Variants in PCDHA3 observed in about 807,000 individuals in gnomAD.
PCDHA3 encodes the protein protocadherin alpha 3, also known as protocadherin alpha-3.
PCDHA3 carries 41 observed loss-of-function variants against 62.2 expected under a neutral mutation model. The ratio of observed to expected loss-of-function variants is 0.66; its 90% CI spans 0.51 to 0.86. PCDHA3 has a LOEUF of 0.86. PCDHA3 is among the 40% of genes least tolerant of loss of function. The probability of loss-of-function intolerance (pLI) is 0.00; values close to 1 mark genes in which losing one functional copy is unlikely to be tolerated. For missense variants in PCDHA3, 1,304 were observed against 1,241.2 expected, an observed-to-expected ratio of 1.05 and a Z score of -0.76; for synonymous variants, 640 against 555.4, an observed-to-expected ratio of 1.15 and a Z score of -2.14.
chr5:140,802,880 C>A lies in PCDHA3; in HGVS notation c.1683C>A (p.Asn561Lys). The change falls in exon 1 of 4, where the codon AAC (asparagine) becomes AAA (lysine). Residue 561 changes from asparagine (N) to lysine (K), a missense_variant. By Grantham distance (94) the Asn-to-Lys change is moderately conservative. Transcript: ENST00000522353. ...LQVFVLDEND[N>K]APALLMPRVG... ...TGTTCGTGCTGGACGAGAACGACAACGCGCCGGCACTGCTGATGCCTCGGG... is the reference window on the plus strand; with the variant it reads ...TGTTCGTGCTGGACGAGAACGACAAAGCGCCGGCACTGCTGATGCCTCGGG... 6.2e-7 allele frequency: 1 copy of A among 1,613,596 alleles called. No homozygotes were observed. Among genetic ancestry groups the A allele is most frequent in the South Asian group, 1.1e-5 (1 of 91,076 alleles).
At chr5:140,843,746 T>C (rs1554140400) in intron 1 of PCDHA3, 6 of 1,531,640 alleles carry the variant, frequency 3.9e-6, no homozygotes, top group Non-Finnish European at 5.4e-6. Context: ...AACTCATAAA[T>C]TCTATTTGTG....
intron 1 of PCDHA3, among the ~76,000 whole-genome samples, chr5:140,900,569 A>G (rs1166977648): frequency 2.6e-5 from 4 of 152,182 alleles, no homozygotes; most frequent in African/African-American, 9.7e-5. Context: ...GAGCCACGGC[A>G]CCGGCCCATT....
chr5:140,823,254 G>A (rs61730630), intron 1 of PCDHA3: 1 of 1,613,288 alleles, frequency 6.2e-7, no homozygotes, highest in Non-Finnish European at 8.5e-7. Flanking sequence ...CCTACTCGCT[G>A]GTGGAGCGGC....
intron 1 of PCDHA3, among the ~76,000 whole-genome samples, chr5:140,973,515 T>G (rs1008643152): frequency 1.4e-4 from 21 of 152,232 alleles, no homozygotes; most frequent in African/African-American, 4.8e-4. Flanking sequence ...AAAAGTTTAT[T>G]TTCTTTGGTC....
intron 1 of PCDHA3, among the ~76,000 whole-genome samples, chr5:140,890,615 C>A (rs1266338521): frequency 6.6e-6 from 1 of 152,026 alleles, no homozygotes; most frequent in Non-Finnish European, 1.5e-5. Context: ...AGTGCTTACC[C>A]TAGAAAATTA....
chr5:140,844,829 G>T (rs1252495421), intron 1 of PCDHA3, among the ~76,000 whole-genome samples: 2 of 148,848 alleles, frequency 1.3e-5, no homozygotes, highest in Non-Finnish European at 3.0e-5. Flanking sequence ...CTTTTTACAC[G>T]TTTGCTTCTT....
chr5:140,868,994 A>C, intron 1 of PCDHA3: 1 of 1,510,848 alleles, frequency 6.6e-7, no homozygotes, highest in Non-Finnish European at 8.8e-7. Context: ...GCCACCGTTT[A>C]AGGATCCTTT....
At chr5:140,978,520 C>T (rs2096807249) in intron 1 of PCDHA3, among the ~76,000 whole-genome samples, 1 of 152,214 alleles carries the variant, frequency 6.6e-6, no homozygotes, top group Non-Finnish European at 1.5e-5. Flanking sequence ...GCAGTCCAGC[C>T]AGGCCAGCAG....
intron 1 of PCDHA3, among the ~76,000 whole-genome samples, chr5:140,878,533 CA>C (rs2057632489): frequency 6.6e-6 from 1 of 152,156 alleles, no homozygotes; most frequent in Admixed American, 6.5e-5. Context: ...AACTGTGGCT[CA>C]AACCAGTTTC....
At chr5:140,824,646 A>G (rs1554130025) in intron 1 of PCDHA3, 2 of 90,532 alleles carry the variant, frequency 2.2e-5, no homozygotes, top group Non-Finnish European at 3.9e-5. Context: ...TTCTGTAGAG[A>G]TAGGGGTCTT....
chr5:140,978,894 C>G, intron 1 of PCDHA3, 55 bp from the exon 2 acceptor site: 1 of 1,612,598 alleles, frequency 6.2e-7, no homozygotes, highest in South Asian at 1.1e-5. Flanking sequence ...AGCAGCATTC[C>G]TGGGAGAACA....
At chr5:140,804,275 G>GCATCTTTGTT (rs1483293729) in intron 1 of PCDHA3, 4 of 151,952 alleles carry the variant, frequency 2.6e-5, no homozygotes, top group Non-Finnish European at 5.9e-5. Flanking sequence ...ATTTAGAATT[G>GCATCTTTGTT]CATCTTTGTT....
rs2150413106 is a variant in PCDHA3, at chr5:140,848,576, GA to G, written c.2394+44986del. The G allele has an allele frequency of 8.8e-6, 14 of 1,595,434 alleles. No homozygotes were observed. The Admixed American group carries it at 2.0e-4, about 23-fold the overall frequency. On this transcript the variant is annotated intron_variant, in intron 1 of 3. Transcript: ENST00000522353. Reference sequence around the variant, plus strand: ...TGATCCTCGCAATGTGGGTGGTGGGGAGCGGCCAGCTCCACTACTCCGTCCC... The same window carrying G: ...TGATCCTCGCAATGTGGGTGGTGGGGGCGGCCAGCTCCACTACTCCGTCCC...
chr5:140,847,157 T>G (rs1780881286), intron 1 of PCDHA3, among the ~76,000 whole-genome samples: 1 of 149,630 alleles, frequency 6.7e-6, no homozygotes. Context: ...TCTTGATTTC[T>G]GAGTAATAAA....
At chr5:140,984,680 AT>A (rs1180119303) in intron 3 of PCDHA3, among the ~76,000 whole-genome samples, 1 of 152,158 alleles carries the variant, frequency 6.6e-6, no homozygotes, top group East Asian at 1.9e-4. Context: ...TTAGGACTCA[AT>A]ATATGTTCTG....
intron 1 of PCDHA3, chr5:140,927,810 G>C: frequency 6.2e-7 from 1 of 1,614,200 alleles, no homozygotes. Flanking sequence ...AAACGCTCTT[G>C]GAGGCATACA....
rs2150475793 is a variant in PCDHA3, at chr5:140,850,253, C to T, written c.2394+46662C>T. The T allele has an allele frequency of 4.7e-5, 75 of 1,593,644 alleles. 4 individuals carry two copies. The highest frequency in any genetic ancestry group is 6.3e-5 in the Non-Finnish European group (73 of 1,167,036). On this transcript the variant is annotated intron_variant, in intron 1 of 3. Coordinates refer to ENST00000522353, the MANE Select transcript of PCDHA3 (RefSeq NM_018906.3). ...GCGAGATGGTGCTGCGGTCGGTGGG[C>T]GCCGGCGTAGTGGTGGGGAAGGTGC...
chr5:140,809,815 A>C (rs958539155), intron 1 of PCDHA3: 32 of 409,850 alleles, frequency 7.8e-5, no homozygotes, highest in Non-Finnish European at 1.3e-5. Context: ...AATTTTCACT[A>C]TATTCACCCT....
At chr5:140,990,737 C>T (rs2097410697) in intron 3 of PCDHA3, among the ~76,000 whole-genome samples, 1 of 152,162 alleles carries the variant, frequency 6.6e-6, no homozygotes, top group African/African-American at 2.4e-5. Context: ...ATCAACAGCC[C>T]TAGGGTGGAT....
Sources: allele counts gnomAD v4.1 joint callset (sites outside exome capture counted in the v4.1 genomes callset), GRCh38; gene constraint gnomAD v4.1.1; transcripts MANE v1.5; gene names NCBI Gene and HGNC (gene_info 2026-07-23, HGNC 2026-07-21).